Variants in CSF2RA observed in about 807,000 individuals in gnomAD.
CSF2RA encodes the protein granulocyte-macrophage colony-stimulating factor receptor subunit alpha.
A neutral mutation model predicts 51.6 loss-of-function variants in CSF2RA; 42 were observed. The observed-to-expected ratio is 0.81, with a 90% CI of 0.64 to 1.05. The LOEUF is 1.05. Ranked by LOEUF, CSF2RA falls within the 50% of genes least tolerant of loss-of-function variation. The pLI is 0.00. For synonymous variants in CSF2RA, 222 were observed against 193.0 expected (o/e 1.15, Z -1.24); for missense variants, 530 against 501.1 (o/e 1.06, Z -0.55).
chrX:1,300,416 CAAAAG>C (rs2092291998), intron 9 of CSF2RA, 70 bp from the exon 10 acceptor site: 7 of 1,551,926 alleles, frequency 4.5e-6, no homozygotes, highest in Non-Finnish European at 6.1e-6. Context: ...ACTTAAAAGA[CAAAAG>C]AACGAAAAAA....
chrX:1,276,908 G>A (rs2089257463), intron 2 of CSF2RA, among the ~76,000 whole-genome samples: 1 of 151,672 alleles, frequency 6.6e-6, no homozygotes, highest in South Asian at 2.1e-4. Context: ...AGACCATCCT[G>A]GCCAACATGG....
At chrX:1,279,555 G>A (rs2089628318) in intron 2 of CSF2RA, among the ~76,000 whole-genome samples, 1 of 151,542 alleles carries the variant, frequency 6.6e-6, no homozygotes, top group Admixed American at 6.6e-5. Context: ...CCACAGGAGA[G>A]TCTGTCCAGT....
At chrX:1,316,954 C>CT in the CSF2RA span, among the ~76,000 whole-genome samples, 44 of 152,080 alleles carry the variant, frequency 2.9e-4, 1 homozygote, top group African/African-American at 1.0e-3. Flanking sequence ...TTCTTTCTTT[C>CT]TTTTTTTATT....
chrX:1,300,257 G>A lies in CSF2RA; in HGVS notation c.811-234G>A. 5.5e-6 allele frequency: 3 copies of A among 540,878 alleles called. No individual in the cohort carries two copies. The South Asian group carries it at 7.6e-5, about 14-fold the overall frequency. The allele number at this position is 540,878 out of a possible 1,614,324, so 33.5% of individuals were successfully genotyped here. On this transcript the variant is annotated intron_variant, in intron 9 of 12. Transcript: ENST00000381529. The stretch of plus-strand genomic sequence containing the variant: ...ATAAAATAAAATAAAAAAGCTTAAA[G>A]CCTACATCACCCAAATTTTCCCAAC...
intron 10 of CSF2RA, among the ~76,000 whole-genome samples, chrX:1,301,470 C>G (rs2082915033): frequency 6.6e-6 from 1 of 151,858 alleles, no homozygotes; most frequent in Non-Finnish European, 1.5e-5. Context: ...AAGGACCCCA[C>G]TGATAGCCCT....
chrX:1,286,400 C>G (rs1237384929), intron 4 of CSF2RA, among the ~76,000 whole-genome samples: 1 of 152,040 alleles, frequency 6.6e-6, no homozygotes, highest in South Asian at 2.1e-4. Flanking sequence ...GAAACCCCAT[C>G]TCTACTAAAA....
At chrX:1,310,449 A>G (rs1250875245), downstream of CSF2RA, 4 of 151,504 alleles carry the variant, frequency 2.6e-5, no homozygotes, top group Non-Finnish European at 4.4e-5. Flanking sequence ...CGGGAGGATC[A>G]CGAGGTCAGG....
the CSF2RA span, among the ~76,000 whole-genome samples, chrX:1,323,483 G>A: frequency 3.3e-5 from 5 of 152,042 alleles, no homozygotes; most frequent in Non-Finnish European, 5.9e-5. Context: ...ACCTTCAGGC[G>A]ACCGGATTCT....
chrX:1,321,667 C>T, the CSF2RA span, among the ~76,000 whole-genome samples: 1,462 of 152,018 alleles, frequency 9.6e-3, 9 homozygotes, highest in Admixed American at 0.017. Flanking sequence ...TCTTAAAATG[C>T]GAGCAACGTG....
At chrX:1,290,196 T>G in intron 6 of CSF2RA, 141 bp from the exon 7 acceptor site, 5 of 703,318 alleles carry the variant, frequency 7.1e-6, no homozygotes, top group Non-Finnish European at 1.2e-5. Context: ...TTTGTGGGTT[T>G]TTTTTGTTTT....
At chrX:1,302,077 C>A (rs865810489) in intron 10 of CSF2RA, among the ~76,000 whole-genome samples, 4 of 151,000 alleles carry the variant, frequency 2.6e-5, no homozygotes, top group Non-Finnish European at 5.9e-5. Context: ...CCACCACACC[C>A]GGCTAATTTT....
intron 3 of CSF2RA, chrX:1,285,566 G>A: frequency 1.6e-6 from 1 of 630,200 alleles, no homozygotes; most frequent in Non-Finnish European, 2.7e-6. Context: ...ATGGTGGTCG[G>A]CGCCTGTCAT....
Position 1,283,000 on chromosome X carries a change from G to A in CSF2RA, c.76+221G>A, listed in dbSNP as rs185309429. Among the ~76,000 whole-genome samples the A allele has an allele frequency of 6.6e-4, 101 of 152,202 alleles. 1 individual carries two copies. In the East Asian group the frequency reaches 0.018, roughly 28 times the overall value. On this transcript the variant is annotated intron_variant, in intron 3 of 12. Transcript: ENST00000381529. ...CCACCCATTCTACAGATGAGAAAAC[G>A]GAGGCTCAGATACCTCCACAGTTTA...
At chrX:1,303,409 A>ATT in intron 10 of CSF2RA, 9 of 379,154 alleles carry the variant, frequency 2.4e-5, no homozygotes, top group Admixed American at 4.3e-5. Context: ...CTAATTTTGT[A>ATT]TTTTTTTTTT....
chrX:1,323,158 TATAAA>T, the CSF2RA span, among the ~76,000 whole-genome samples: 16 of 134,022 alleles, frequency 1.2e-4, no homozygotes, highest in South Asian at 8.7e-4. Flanking sequence ...ACATTACAAT[TATAAA>T]ATAAAATAAA....
At chrX:1,307,545 G>A (rs373516460) in intron 12 of CSF2RA, among the ~76,000 whole-genome samples, 253 of 97,886 alleles carry the variant, frequency 2.6e-3, no homozygotes, top group East Asian at 0.019. Context: ...TGAAGCCCAC[G>A]CTTCTCCTTT....
the CSF2RA span, among the ~76,000 whole-genome samples, chrX:1,321,105 A>G: frequency 0.045 from 6,821 of 151,874 alleles, 507 homozygotes; most frequent in African/African-American, 0.16. Flanking sequence ...CGGCCTCCCA[A>G]AGTGCTGAGA....
Position 1,288,793 on chromosome X carries a change from T to C in CSF2RA, c.378T>C (p.Cys126=), listed in dbSNP as rs777124184. The change falls in exon 6 of 13, where the codon TGT becomes TGC. Residue 126 remains cysteine (C), a synonymous_variant. Transcript: ENST00000381529. ...REGTAAQNFS[C]FIYNADLMNC... ...GTACCGCTGCTCAGAATTTCTCCTG[T>C]TTCATCTACAATGCGGATTTAATGA... is the stretch of plus-strand genomic sequence containing the variant. The C allele has an allele frequency of 1.2e-6, 2 of 1,613,920 alleles. No homozygotes were observed. The highest frequency in any genetic ancestry group is 2.2e-5 in the East Asian group (1 of 44,882).
chrX:1,300,685 C>T (rs2092309463), intron 10 of CSF2RA, 59 bp downstream of exon 10: 3 of 1,611,178 alleles, frequency 1.9e-6, no homozygotes, highest in South Asian at 1.1e-5. Context: ...CTGCAGCAGG[C>T]ACAGAGGTCA....
Sources: gnomAD v4.1 joint callset for allele counts (sites outside exome capture counted in the v4.1 genomes callset) on GRCh38, gnomAD v4.1.1 for gene constraint, MANE v1.5 for transcripts, NCBI Gene and HGNC (gene_info 2026-07-23, HGNC 2026-07-21) for gene names.